Variants in GRID2 observed in about 807,000 individuals in gnomAD.
GRID2 encodes the protein glutamate ionotropic receptor delta type subunit 2.
Under a neutral mutation model 114.8 loss-of-function variants are expected in GRID2, and 33 were observed. The observed-to-expected ratio is 0.29, with a 90% CI of 0.22 to 0.38. The LOEUF (loss-of-function observed/expected upper bound fraction) is 0.38, where lower values mean the gene tolerates loss of function less well. GRID2 is among the 10% of genes least tolerant of loss of function. GRID2 has a pLI of 1.00. For missense variants in GRID2, 1,184 were observed against 1,257.7 expected, an observed-to-expected ratio of 0.94 and a Z score of 0.89; for synonymous variants, 505 against 449.9, an observed-to-expected ratio of 1.12 and a Z score of -1.55.
chr4:93,131,647 A>G (rs922396953), intron 4 of GRID2, among the ~76,000 whole-genome samples: 3 of 151,886 alleles, frequency 2.0e-5, no homozygotes, highest in African/African-American at 7.2e-5. Flanking sequence ...TTATAGATGC[A>G]TACTAGTTGC....
intron 4 of GRID2, among the ~76,000 whole-genome samples, chr4:93,173,279 CCCATTTTTAAGCA>C (rs1208067903): frequency 6.6e-6 from 1 of 151,948 alleles, no homozygotes; most frequent in Non-Finnish European, 1.5e-5. Flanking sequence ...AGTCTTTTTT[CCCATTTTTAAGCA>C]CCATTTTTAA....
chr4:92,808,773 G>A (rs967193628), intron 2 of GRID2, among the ~76,000 whole-genome samples: 58 of 151,602 alleles, frequency 3.8e-4, no homozygotes, highest in Non-Finnish European at 1.3e-4. Context: ...ACGTTAATAA[G>A]GCAAAAGATC....
chr4:93,384,817 A>C (rs1440957070), intron 8 of GRID2, among the ~76,000 whole-genome samples: 1 of 152,144 alleles, frequency 6.6e-6, no homozygotes, highest in Non-Finnish European at 1.5e-5. Context: ...TGACTTTCTC[A>C]TGCTTATCTT....
intron 2 of GRID2, among the ~76,000 whole-genome samples, chr4:92,628,771 GATCT>G (rs1220410476): frequency 2.6e-5 from 4 of 151,996 alleles, no homozygotes; most frequent in Admixed American, 1.3e-4. Flanking sequence ...GGGCAAATTG[GATCT>G]ATTATTATTG....
At chr4:92,529,546 ATAC>A (rs1725227272) in intron 1 of GRID2, among the ~76,000 whole-genome samples, 1 of 152,122 alleles carries the variant, frequency 6.6e-6, no homozygotes, top group African/African-American at 2.4e-5. Context: ...ATGTGAAAAC[ATAC>A]TGCAAGTTCA....
intron 2 of GRID2, among the ~76,000 whole-genome samples, chr4:92,840,172 AT>A (rs1183304274): frequency 6.6e-6 from 1 of 151,944 alleles, no homozygotes; most frequent in African/African-American, 2.4e-5. Flanking sequence ...TGAAATATAT[AT>A]TTTTTCATAC....
At chr4:93,188,362 T>A (rs1452100245) in intron 4 of GRID2, among the ~76,000 whole-genome samples, 2 of 152,214 alleles carry the variant, frequency 1.3e-5, no homozygotes, top group African/African-American at 4.8e-5. Flanking sequence ...AAGCTGTACC[T>A]GGGCCCACAT....
intron 9 of GRID2, among the ~76,000 whole-genome samples, chr4:93,410,164 A>G (rs533851694): frequency 1.3e-5 from 2 of 152,322 alleles, no homozygotes; most frequent in East Asian, 1.9e-4. Context: ...AAATGAGGTA[A>G]TGAACGTAAA....
chr4:92,832,291 A>C (rs1441126553), intron 2 of GRID2, among the ~76,000 whole-genome samples: 2 of 152,102 alleles, frequency 1.3e-5, no homozygotes, highest in Non-Finnish European at 2.9e-5. Flanking sequence ...AATTAAAAAA[A>C]TAAAAAATAA....
At chr4:92,666,522 A>T (rs554375789) in intron 2 of GRID2, among the ~76,000 whole-genome samples, 1 of 151,368 alleles carries the variant, frequency 6.6e-6, no homozygotes, top group South Asian at 2.1e-4. Context: ...TAATATGGCA[A>T]ATTTGGAACT....
At chr4:92,888,838 C>A (rs182774152) in intron 2 of GRID2, among the ~76,000 whole-genome samples, 1 of 149,742 alleles carries the variant, frequency 6.7e-6, no homozygotes, top group African/African-American at 2.5e-5. Flanking sequence ...GCAAATAAAG[C>A]GGACATTTTT....
At chr4:93,025,741 T>C (rs1414550517) in intron 2 of GRID2, among the ~76,000 whole-genome samples, 1 of 151,754 alleles carries the variant, frequency 6.6e-6, no homozygotes, top group South Asian at 2.1e-4. Context: ...TTTCACTTGG[T>C]AACTGGCTCT....
At chr4:93,806,358 C>A (rs1561010657) in intron 1 of GRID2, among the ~76,000 whole-genome samples, 1 of 152,200 alleles carries the variant, frequency 6.6e-6, no homozygotes, top group Non-Finnish European at 1.5e-5. Context: ...TCTGTTGACT[C>A]TCCATGTGAG....
intron 2 of GRID2, among the ~76,000 whole-genome samples, chr4:92,872,067 G>A (rs1745319498): frequency 6.6e-6 from 1 of 152,030 alleles, no homozygotes; most frequent in South Asian, 2.1e-4. Context: ...GTTAAACTTT[G>A]CATTTGAGAA....
intron 11 of GRID2, among the ~76,000 whole-genome samples, chr4:93,465,994 A>G (rs1419241016): frequency 6.6e-6 from 1 of 152,176 alleles, no homozygotes; most frequent in Non-Finnish European, 1.5e-5. Context: ...GTGATTCAAG[A>G]TGTTTGCAAT....
chr4:93,045,777 C>A (rs1726076565), intron 2 of GRID2, among the ~76,000 whole-genome samples: 1 of 152,104 alleles, frequency 6.6e-6, no homozygotes, highest in Non-Finnish European at 1.5e-5. Context: ...TAATACGAAA[C>A]TTTATTCTCT....
chr4:92,578,532 A>G (rs1728016674), intron 1 of GRID2, among the ~76,000 whole-genome samples: 1 of 151,942 alleles, frequency 6.6e-6, no homozygotes, highest in African/African-American at 2.4e-5. Flanking sequence ...TACCTCTTTA[A>G]TAAAGCAAAA....
At chr4:93,069,398 A>T (rs1033056758) in intron 2 of GRID2, among the ~76,000 whole-genome samples, 2 of 151,928 alleles carry the variant, frequency 1.3e-5, no homozygotes, top group African/African-American at 2.4e-5. Context: ...GTGGGGGGAA[A>T]AATATCCAAA....
At chr4:93,808,544 A>T (rs1057486753) in exon 2 of GRID2, 2 of 152,250 alleles carry the variant, frequency 1.3e-5, no homozygotes, top group Non-Finnish European at 2.9e-5. Context: ...TACACAAGTG[A>T]ATTGTACAAA....
Sources: allele counts gnomAD v4.1 joint callset (sites outside exome capture counted in the v4.1 genomes callset), GRCh38; gene constraint gnomAD v4.1.1; transcripts MANE v1.5; gene names NCBI Gene and HGNC (gene_info 2026-07-23, HGNC 2026-07-21).